PLPP4: variants seen among roughly 807,000 people sequenced by gnomAD.
The protein encoded by PLPP4 is phospholipid phosphatase 4.
A neutral mutation model predicts 32.2 loss-of-function variants in PLPP4; 20 were observed. That is an observed-to-expected ratio of 0.62 (90% CI 0.44 to 0.90). The LOEUF (loss-of-function observed/expected upper bound fraction) is 0.90, where lower values mean the gene tolerates loss of function less well. Ranked by LOEUF, PLPP4 falls within the 40% of genes least tolerant of loss-of-function variation. The probability of loss-of-function intolerance (pLI) is 0.00; values close to 1 mark genes in which losing one functional copy is unlikely to be tolerated. For synonymous variants in PLPP4, 127 were observed against 133.0 expected, an observed-to-expected ratio of 0.95 and a Z score of 0.31; for missense variants, 257 against 353.1, an observed-to-expected ratio of 0.73 and a Z score of 2.18.
chr10:120,558,321 A>G (rs546516806), intron 5 of PLPP4, among the ~76,000 whole-genome samples: 1 of 150,908 alleles, frequency 6.6e-6, no homozygotes, highest in South Asian at 2.1e-4. Flanking sequence ...ATGTTTTGTG[A>G]TTTGCTAATT....
At chr10:120,486,628 G>T (rs942574156) in intron 1 of PLPP4, among the ~76,000 whole-genome samples, 2 of 152,230 alleles carry the variant, frequency 1.3e-5, no homozygotes, top group Non-Finnish European at 2.9e-5. Flanking sequence ...ACTGATATAG[G>T]GAGGAGAATG....
intron 5 of PLPP4, among the ~76,000 whole-genome samples, chr10:120,527,161 A>G (rs896954668): frequency 2.0e-5 from 3 of 152,170 alleles, no homozygotes; most frequent in African/African-American, 4.8e-5. Flanking sequence ...TTAGCAATCA[A>G]TCAATTGATT....
intron 1 of PLPP4, among the ~76,000 whole-genome samples, chr10:120,498,402 T>C (rs1845071332): frequency 6.6e-6 from 1 of 152,226 alleles, no homozygotes; most frequent in Non-Finnish European, 1.5e-5. Flanking sequence ...CTATACAGTG[T>C]CATTAAATAG....
At chr10:120,520,740 T>C (rs987228894) in intron 4 of PLPP4, among the ~76,000 whole-genome samples, 7 of 152,038 alleles carry the variant, frequency 4.6e-5, no homozygotes, top group African/African-American at 1.7e-4. Context: ...CTTCCCAAGG[T>C]CATAAAGTGA....
intron 5 of PLPP4, among the ~76,000 whole-genome samples, chr10:120,565,354 G>A (rs1011858052): frequency 7.9e-6 from 1 of 126,684 alleles, no homozygotes; most frequent in Non-Finnish European, 1.8e-5. Context: ...GTGTGTGTGT[G>A]TGTGTGTGCT....
At chr10:120,570,811 C>G (rs1158955163) in intron 5 of PLPP4, among the ~76,000 whole-genome samples, 1 of 152,180 alleles carries the variant, frequency 6.6e-6, no homozygotes, top group Admixed American at 6.5e-5. Context: ...CCTGGTGTTA[C>G]CGCCTATGTC....
intron 6 of PLPP4, chr10:120,581,495 G>GCAT (rs1172366990): frequency 6.2e-6 from 1 of 161,054 alleles, no homozygotes; most frequent in Admixed American, 6.5e-5. Context: ...ATTTCACTCA[G>GCAT]CATCACAGCC....
At chr10:120,579,765 A>G (rs191692781) in intron 6 of PLPP4, among the ~76,000 whole-genome samples, 1 of 152,104 alleles carries the variant, frequency 6.6e-6, no homozygotes, top group African/African-American at 2.4e-5. Context: ...ATTACATGAA[A>G]TCAAAAGTGA....
intron 1 of PLPP4, among the ~76,000 whole-genome samples, chr10:120,498,655 T>G (rs1589769096): frequency 4.0e-5 from 1 of 24,730 alleles, no homozygotes. Context: ...TCTTCTATTC[T>G]TTTTTTTTTT....
At chr10:120,528,348 A>G (rs1254011027) in intron 5 of PLPP4, among the ~76,000 whole-genome samples, 1 of 152,106 alleles carries the variant, frequency 6.6e-6, no homozygotes, top group African/African-American at 2.4e-5. Context: ...TGCTGGGATT[A>G]CAGACGTGAG....
At chr10:120,529,191 T>C (rs1846579471) in intron 5 of PLPP4, among the ~76,000 whole-genome samples, 1 of 151,280 alleles carries the variant, frequency 6.6e-6, no homozygotes, top group South Asian at 2.1e-4. Context: ...TGTGCGTGTG[T>C]GTGTGTGTGT....
chr10:120,543,498 TA>T (rs1195359609), intron 5 of PLPP4, among the ~76,000 whole-genome samples: 3 of 149,198 alleles, frequency 2.0e-5, no homozygotes, highest in Admixed American at 6.7e-5. Context: ...TCAATGCAAT[TA>T]AAAAAAAAAC....
chr10:120,527,130 A>G (rs1005392977), intron 5 of PLPP4, among the ~76,000 whole-genome samples: 1 of 151,988 alleles, frequency 6.6e-6, no homozygotes, highest in African/African-American at 2.4e-5. Context: ...CTATCAATCA[A>G]TCATCAGTCA....
At chr10:120,461,550 C>T (rs559855783) in intron 1 of PLPP4, among the ~76,000 whole-genome samples, 1 of 152,200 alleles carries the variant, frequency 6.6e-6, no homozygotes, top group Admixed American at 6.5e-5. Context: ...GCTTAGGATG[C>T]CAGGGTGCAC....
chr10:120,518,910 A>G lies in PLPP4; in HGVS notation c.320+14A>G. The G allele has an allele frequency of 5.6e-6, 9 of 1,604,558 alleles. No homozygotes were observed. The highest frequency in any genetic ancestry group is 6.8e-6 in the Non-Finnish European group (8 of 1,173,218). On this transcript the variant is annotated intron_variant, in intron 4 of 6. Coordinates refer to ENST00000398250, the MANE Select transcript of PLPP4 (RefSeq NM_001030059.3). Reference sequence around the variant, plus strand: ...AATAGTGGGAAGGTAAGTTCCAAGAAGAATGAAATGGTGACTTAGACTATC... The same window carrying G: ...AATAGTGGGAAGGTAAGTTCCAAGAGGAATGAAATGGTGACTTAGACTATC...
At chr10:120,512,556 A>T (rs1200687148) in intron 2 of PLPP4, among the ~76,000 whole-genome samples, 1 of 152,190 alleles carries the variant, frequency 6.6e-6, no homozygotes, top group Non-Finnish European at 1.5e-5. Context: ...GGTTGTAGTA[A>T]GGGTGTGGAG....
intron 5 of PLPP4, among the ~76,000 whole-genome samples, chr10:120,546,932 T>C (rs1410781023): frequency 6.6e-6 from 1 of 152,220 alleles, no homozygotes; most frequent in African/African-American, 2.4e-5. Flanking sequence ...ATGATTGTTT[T>C]CAGCACTGGA....
intron 5 of PLPP4, among the ~76,000 whole-genome samples, chr10:120,562,692 A>C (rs1177285485): frequency 1.3e-5 from 2 of 152,252 alleles, no homozygotes; most frequent in Non-Finnish European, 2.9e-5. Context: ...AATTTAAAAA[A>C]TTTTAAACCT....
chr10:120,542,587 C>A (rs1847398354), intron 5 of PLPP4, among the ~76,000 whole-genome samples: 1 of 152,134 alleles, frequency 6.6e-6, no homozygotes, highest in Non-Finnish European at 1.5e-5. Flanking sequence ...GAGCTGGCTG[C>A]CTCCCCCAGA....
Sources: gnomAD v4.1 joint callset for allele counts (sites outside exome capture counted in the v4.1 genomes callset) on GRCh38, gnomAD v4.1.1 for gene constraint, MANE v1.5 for transcripts, NCBI Gene and HGNC (gene_info 2026-07-23, HGNC 2026-07-21) for gene names.